Variants in ACTR2 observed in about 807,000 individuals in gnomAD.
ACTR2 encodes the protein actin-related protein 2.
Under a neutral mutation model 50.2 loss-of-function variants are expected in ACTR2, and 5 were observed. That is an observed-to-expected ratio of 0.10 (90% CI 0.05 to 0.21). The LOEUF (loss-of-function observed/expected upper bound fraction) is 0.21, where lower values mean the gene tolerates loss of function less well. Among genes scored for constraint, ACTR2 ranks in the 10% least tolerant of loss-of-function variants. The probability of loss-of-function intolerance (pLI) is 1.00; values close to 1 mark genes in which losing one functional copy is unlikely to be tolerated. For missense variants in ACTR2, 180 were observed against 480.6 expected (o/e 0.37, Z 5.85); for synonymous variants, 140 against 162.9 (o/e 0.86, Z 1.07).
chr2:65,247,446 G>T (rs1179066976), intron 3 of ACTR2, among the ~76,000 whole-genome samples: 1 of 152,076 alleles, frequency 6.6e-6, no homozygotes, highest in East Asian at 1.9e-4. Context: ...AAATTAGCCG[G>T]GCGTGGTGGC....
chr2:65,230,918 G>A (rs1235987031), intron 1 of ACTR2, among the ~76,000 whole-genome samples: 2 of 151,918 alleles, frequency 1.3e-5, no homozygotes, highest in Non-Finnish European at 2.9e-5. Flanking sequence ...GCCGGGTGTG[G>A]TTTCTGATGC....
chr2:65,252,670 A>G (rs1340267250), intron 4 of ACTR2, among the ~76,000 whole-genome samples: 1 of 152,040 alleles, frequency 6.6e-6, no homozygotes, highest in Non-Finnish European at 1.5e-5. Context: ...ATAAAAATAA[A>G]TAAAAAAAGT....
At chr2:65,243,226 C>G (rs184479166) in intron 2 of ACTR2, among the ~76,000 whole-genome samples, 19 of 152,202 alleles carry the variant, frequency 1.2e-4, no homozygotes, top group Non-Finnish European at 1.9e-4. Flanking sequence ...TTGCAGTGAG[C>G]CGAGATCACG....
At chr2:65,236,716 G>T (rs1004656270) in intron 1 of ACTR2, among the ~76,000 whole-genome samples, 8 of 152,068 alleles carry the variant, frequency 5.3e-5, no homozygotes, top group African/African-American at 1.7e-4. Flanking sequence ...AAGTAACTGG[G>T]ATTACAGGCA....
intron 4 of ACTR2, among the ~76,000 whole-genome samples, chr2:65,251,654 C>G (rs1672053683): frequency 6.6e-6 from 1 of 152,098 alleles, no homozygotes; most frequent in Non-Finnish European, 1.5e-5. Context: ...AGTCACCGTG[C>G]CTGGCATAGC....
At chr2:65,242,581 A>G (rs1224277182) in intron 2 of ACTR2, 1 of 463,864 alleles carries the variant, frequency 2.2e-6, no homozygotes, top group African/African-American at 2.0e-5. Context: ...GAAAAAGAGA[A>G]TTCTTTCCAT....
chr2:65,238,733 C>T (rs1367304934), intron 1 of ACTR2, among the ~76,000 whole-genome samples: 10 of 150,066 alleles, frequency 6.7e-5, no homozygotes, highest in African/African-American at 2.0e-4. Context: ...TTTGGGAGGC[C>T]GAGGTGGGCA....
chr2:65,244,775 C>A (rs181288177), intron 2 of ACTR2, among the ~76,000 whole-genome samples: 3 of 151,982 alleles, frequency 2.0e-5, no homozygotes, highest in African/African-American at 7.2e-5. Context: ...TGGTGAAACC[C>A]TGTCTCTACT....
chr2:65,261,672 C>A (rs1041219082), intron 7 of ACTR2, among the ~76,000 whole-genome samples: 5 of 152,150 alleles, frequency 3.3e-5, no homozygotes, highest in African/African-American at 4.8e-5. Flanking sequence ...TGCATCAGTT[C>A]TTTACTAGTT....
intron 1 of ACTR2, among the ~76,000 whole-genome samples, chr2:65,231,573 G>C (rs1275385595): frequency 1.3e-5 from 2 of 152,120 alleles, no homozygotes; most frequent in East Asian, 3.8e-4. Context: ...GGTTCCTCAT[G>C]CCTGTATTTC....
At chr2:65,242,059 A>C (rs1558622151) in intron 2 of ACTR2, 21 of 1,606,128 alleles carry the variant, frequency 1.3e-5, no homozygotes, top group Non-Finnish European at 1.6e-5. Flanking sequence ...AATAACAAAA[A>C]GATGGTAAGT....
intron 3 of ACTR2, among the ~76,000 whole-genome samples, chr2:65,250,590 T>C (rs1461711371): frequency 6.9e-6 from 1 of 144,126 alleles, no homozygotes; most frequent in Non-Finnish European, 1.5e-5. Flanking sequence ...GGAGAATCAG[T>C]TGAACCCTGG....
intron 1 of ACTR2, among the ~76,000 whole-genome samples, chr2:65,235,126 C>A (rs984228749): frequency 1.3e-5 from 2 of 151,880 alleles, no homozygotes; most frequent in Admixed American, 6.6e-5. Flanking sequence ...TGGATTTTGA[C>A]TTAAAAGAGA....
chr2:65,231,262 A>G (rs942356991), intron 1 of ACTR2, among the ~76,000 whole-genome samples: 2 of 152,196 alleles, frequency 1.3e-5, no homozygotes, highest in Non-Finnish European at 2.9e-5. Flanking sequence ...TTGGTTTCAA[A>G]TGAAGAAACA....
chr2:65,259,305 C>T (rs1188548819), intron 6 of ACTR2, among the ~76,000 whole-genome samples: 2 of 152,060 alleles, frequency 1.3e-5, no homozygotes, highest in Non-Finnish European at 2.9e-5. Context: ...ATCTGTAGTG[C>T]CAGCTACTTG....
At chr2:65,229,750 C>CA (rs57953942) in intron 1 of ACTR2, among the ~76,000 whole-genome samples, 12,730 of 52,912 alleles carry the variant, frequency 0.24, 1,036 homozygotes, top group Middle Eastern at 0.3. Context: ...GACTCCGTCT[C>CA]AAAAAAAAAA....
intron 1 of ACTR2, among the ~76,000 whole-genome samples, chr2:65,238,932 C>T (rs756733488): frequency 6.6e-5 from 10 of 152,134 alleles, no homozygotes; most frequent in Admixed American, 1.3e-4. Context: ...CACGCCACTG[C>T]ACTCCAGCCT....
intron 6 of ACTR2, among the ~76,000 whole-genome samples, chr2:65,258,634 A>G (rs1672198949): frequency 6.6e-6 from 1 of 152,148 alleles, no homozygotes; most frequent in Non-Finnish European, 1.5e-5. Context: ...ATATATGCAC[A>G]CACACACATA....
Position 65,227,831 on chromosome 2 carries a change from G to A in ACTR2, c.-79G>A, listed in dbSNP as rs1671554884. The A allele has an allele frequency of 1.4e-6, 2 of 1,455,908 alleles. No homozygotes were observed. The highest frequency in any genetic ancestry group is 1.8e-6 in the Non-Finnish European group (2 of 1,095,778). 90.2% of individuals were successfully genotyped at this position (1,455,908 alleles called of 1,614,324 possible). A position where few individuals can be genotyped will look rare whatever the true frequency, so the allele number is the denominator to read the frequency against. ...GGGCCGAAGGAGGGGCCGGGAAGACGCAAGAGGAAGAAGAGAAAACGGCCG... is the reference window on the plus strand; with the variant it reads ...GGGCCGAAGGAGGGGCCGGGAAGACACAAGAGGAAGAAGAGAAAACGGCCG... On this transcript the variant is annotated 5_prime_UTR_variant, in exon 1 of 9. Coordinates refer to ENST00000260641, the MANE Select transcript of ACTR2 (RefSeq NM_005722.4).
Sources: allele counts gnomAD v4.1 joint callset (sites outside exome capture counted in the v4.1 genomes callset), GRCh38; gene constraint gnomAD v4.1.1; transcripts MANE v1.5; gene names NCBI Gene and HGNC (gene_info 2026-07-23, HGNC 2026-07-21).